MAPK10: variants seen among roughly 807,000 people sequenced by gnomAD.
MAPK10 encodes the protein mitogen-activated protein kinase 10.
A neutral mutation model predicts 59.3 loss-of-function variants in MAPK10; 25 were observed. The observed-to-expected ratio is 0.42, with a 90% CI of 0.31 to 0.59. The LOEUF (loss-of-function observed/expected upper bound fraction) is 0.59, where lower values mean the gene tolerates loss of function less well. MAPK10 is among the 20% of genes least tolerant of loss of function. MAPK10 has a pLI of 0.15. For synonymous variants in MAPK10, 190 were observed against 200.5 expected, an observed-to-expected ratio of 0.95 and a Z score of 0.44; for missense variants, 351 against 568.9, an observed-to-expected ratio of 0.62 and a Z score of 3.90.
intron 1 of MAPK10, among the ~76,000 whole-genome samples, chr4:86,367,224 G>C (rs1400408564): frequency 1.3e-5 from 2 of 152,092 alleles, no homozygotes; most frequent in African/African-American, 4.8e-5. Flanking sequence ...CAAAATTATG[G>C]AACTGAATCA....
intron 9 of MAPK10, among the ~76,000 whole-genome samples, chr4:86,072,301 A>G (rs2048204334): frequency 1.3e-5 from 2 of 152,098 alleles, no homozygotes; most frequent in African/African-American, 2.4e-5. Context: ...GGCTGAGACG[A>G]TGGGGTTTTC....
rs1742536113 is a variant in MAPK10, at chr4:86,014,506, T to C, written c.*2722A>G. 6.6e-6 allele frequency: 1 copy of C among 152,158 alleles called. No homozygotes were observed. The highest frequency in any genetic ancestry group is 1.5e-5 in the Non-Finnish European group (1 of 68,038). The allele number at this position is 152,158 out of a possible 1,614,324, so 9.4% of individuals were successfully genotyped here. On this transcript the variant is annotated 3_prime_UTR_variant, in exon 14 of 14. Coordinates refer to ENST00000641462, the MANE Select transcript of MAPK10 (RefSeq NM_138982.4). ...TGTTCCATCATCTGCCTTGCTTTAATCACCTAATAAAACTGATCCTGCAAA... is the reference window on the plus strand; with the variant it reads ...TGTTCCATCATCTGCCTTGCTTTAACCACCTAATAAAACTGATCCTGCAAA...
chr4:86,516,353 T>C (rs1393400949), intron 1 of MAPK10, among the ~76,000 whole-genome samples: 3 of 152,194 alleles, frequency 2.0e-5, no homozygotes, highest in Non-Finnish European at 2.9e-5. Flanking sequence ...TAGTCTTGCT[T>C]TGGATATGTG....
chr4:86,568,207 A>C (rs1761203320), intron 1 of MAPK10, among the ~76,000 whole-genome samples: 1 of 152,206 alleles, frequency 6.6e-6, no homozygotes, highest in African/African-American at 2.4e-5. Context: ...AACTACAAAT[A>C]AACCAAATAC....
At chr4:86,244,354 A>C (rs2092940737) in intron 2 of MAPK10, among the ~76,000 whole-genome samples, 1 of 152,252 alleles carries the variant, frequency 6.6e-6, no homozygotes, top group Admixed American at 6.5e-5. Flanking sequence ...CCAAAGAATT[A>C]ACTAAATTTT....
At chr4:86,203,080 A>G (rs1037941726) in intron 2 of MAPK10, among the ~76,000 whole-genome samples, 3 of 151,972 alleles carry the variant, frequency 2.0e-5, no homozygotes, top group Non-Finnish European at 4.4e-5. Context: ...ATCTTGGTGC[A>G]ATATAGGACC....
chr4:86,212,365 T>C (rs994502587), intron 2 of MAPK10, among the ~76,000 whole-genome samples: 1 of 151,160 alleles, frequency 6.6e-6, no homozygotes, highest in African/African-American at 2.4e-5. Context: ...AAAAAAAAAA[T>C]TATAAAATTA....
rs1201 is a variant in MAPK10 at position 86,015,315 on chromosome 4, A to G, written c.*1913T>C. ...GTCTCTATTGCTTGAAGAGAGAAAG[A>G]AAGTTCCCTATTATTATATTTAAGG... On this transcript the variant is annotated 3_prime_UTR_variant, in exon 14 of 14. Transcript: ENST00000641462. 0.15 allele frequency: 22,858 copies of G among 152,142 alleles called. 1,905 individuals carry two copies. The highest frequency in any genetic ancestry group is 0.26 in the East Asian group (1,324 of 5,160). The allele number at this position is 152,142 out of a possible 1,614,324, so 9.4% of individuals were successfully genotyped here.
At chr4:86,373,090 A>T (rs1241739277) in intron 1 of MAPK10, among the ~76,000 whole-genome samples, 1 of 152,134 alleles carries the variant, frequency 6.6e-6, no homozygotes, top group East Asian at 1.9e-4. Flanking sequence ...AACAGAGGCC[A>T]CAGAAATAAT....
intron 9 of MAPK10, among the ~76,000 whole-genome samples, chr4:86,087,080 G>A (rs2052047741): frequency 1.3e-5 from 2 of 152,076 alleles, no homozygotes; most frequent in East Asian, 1.9e-4. Flanking sequence ...TTGTTTACAA[G>A]GAATTTTGAC....
intron 2 of MAPK10, among the ~76,000 whole-genome samples, chr4:86,316,634 G>A (rs1490304669): frequency 6.6e-6 from 1 of 152,066 alleles, no homozygotes; most frequent in African/African-American, 2.4e-5. Flanking sequence ...CTTTTATTAA[G>A]ATGAACAATA....
chr4:86,556,337 T>G (rs545259775), intron 1 of MAPK10, among the ~76,000 whole-genome samples: 1 of 152,312 alleles, frequency 6.6e-6, no homozygotes, highest in South Asian at 2.1e-4. Flanking sequence ...AGGTAAAACA[T>G]TCTGAATACA....
chr4:86,333,429 A>G (rs2096202925), intron 2 of MAPK10, among the ~76,000 whole-genome samples: 1 of 152,078 alleles, frequency 6.6e-6, no homozygotes, highest in Admixed American at 6.5e-5. Flanking sequence ...AGCATCATCT[A>G]CACTACACTA....
chr4:86,430,017 G>A (rs962091485), intron 1 of MAPK10, among the ~76,000 whole-genome samples: 13 of 151,986 alleles, frequency 8.6e-5, no homozygotes, highest in African/African-American at 3.1e-4. Flanking sequence ...GGAGAGTATC[G>A]ATAAGAAATG....
chr4:86,576,076 C>T (rs1308414340), intron 1 of MAPK10, among the ~76,000 whole-genome samples: 1 of 151,716 alleles, frequency 6.6e-6, no homozygotes, highest in African/African-American at 2.4e-5. Flanking sequence ...ACTGCTACCT[C>T]AAACTCCTGG....
At chr4:86,070,285 A>ATGTTCAT (rs1278471371) in intron 9 of MAPK10, among the ~76,000 whole-genome samples, 1 of 151,808 alleles carries the variant, frequency 6.6e-6, no homozygotes, top group Non-Finnish European at 1.5e-5. Context: ...TGTTTTCTAG[A>ATGTTCAT]TGTTCATAGA....
intron 1 of MAPK10, among the ~76,000 whole-genome samples, chr4:86,473,175 T>C (rs1282142407): frequency 6.6e-6 from 1 of 152,250 alleles, no homozygotes; most frequent in African/African-American, 2.4e-5. Context: ...ATTTAGGACC[T>C]GCAAAAATGA....
intron 3 of MAPK10, among the ~76,000 whole-genome samples, chr4:86,175,509 T>C (rs1460761): frequency 0.27 from 40,303 of 151,884 alleles, 7,654 homozygotes; most frequent in African/African-American, 0.54. Context: ...TTAACACCAT[T>C]CCCTTTAGTG....
intron 1 of MAPK10, among the ~76,000 whole-genome samples, chr4:86,532,802 A>G (rs1448270604): frequency 2.0e-5 from 3 of 152,148 alleles, no homozygotes; most frequent in African/African-American, 7.2e-5. Context: ...TTCCTGCCTG[A>G]CATCTCCATC....
Sources: gnomAD v4.1 joint callset for allele counts (sites outside exome capture counted in the v4.1 genomes callset) on GRCh38, gnomAD v4.1.1 for gene constraint, MANE v1.5 for transcripts, NCBI Gene and HGNC (gene_info 2026-07-23, HGNC 2026-07-21) for gene names.